Variants in DCDC1 observed in about 807,000 individuals in gnomAD.
DCDC1 encodes doublecortin domain-containing protein 1.
DCDC1 carries 200 observed loss-of-function variants against 178.3 expected under a neutral mutation model. The observed-to-expected ratio is 1.12, with a 90% CI of 1.00 to 1.26. The LOEUF (loss-of-function observed/expected upper bound fraction) is 1.26, where lower values mean the gene tolerates loss of function less well. Among genes scored for constraint, DCDC1 ranks in the 50% most tolerant of loss-of-function variants. The probability of loss-of-function intolerance (pLI) is 0.00; values close to 1 mark genes in which losing one functional copy is unlikely to be tolerated. For synonymous variants in DCDC1, 690 were observed against 604.8 expected, an observed-to-expected ratio of 1.14 and a Z score of -2.07; for missense variants, 1,983 against 1,749.2, an observed-to-expected ratio of 1.13 and a Z score of -2.38.
intron 6 of DCDC1, among the ~76,000 whole-genome samples, chr11:31,304,231 T>A (rs959681737): frequency 6.6e-6 from 1 of 152,206 alleles, no homozygotes; most frequent in African/African-American, 2.4e-5. Context: ...ATAATTTTTA[T>A]ATGTCTCTTC....
At chr11:31,293,378 T>A (rs1947371292) in intron 6 of DCDC1, among the ~76,000 whole-genome samples, 1 of 151,962 alleles carries the variant, frequency 6.6e-6, no homozygotes, top group Admixed American at 6.6e-5. Flanking sequence ...CCACTCCCAC[T>A]AAGGCCAGAG....
intron 20 of DCDC1, among the ~76,000 whole-genome samples, chr11:31,049,501 T>C (rs988728501): frequency 6.6e-6 from 1 of 152,154 alleles, no homozygotes; most frequent in African/African-American, 2.4e-5. Context: ...GGGATCATGG[T>C]GGACGGGAGG....
intron 20 of DCDC1, among the ~76,000 whole-genome samples, chr11:30,965,258 C>A (rs964827390): frequency 6.6e-6 from 1 of 152,188 alleles, no homozygotes; most frequent in African/African-American, 2.4e-5. Context: ...TGTTCTGTAT[C>A]TGACATGAGT....
At chr11:31,333,632 T>C (rs140711613) in intron 2 of DCDC1, among the ~76,000 whole-genome samples, 4 of 152,274 alleles carry the variant, frequency 2.6e-5, no homozygotes, top group Non-Finnish European at 5.9e-5. Context: ...CCTCCTTCAT[T>C]TATGAAGCTT....
At chr11:31,014,725 C>G (rs1317775557) in intron 20 of DCDC1, among the ~76,000 whole-genome samples, 1 of 152,132 alleles carries the variant, frequency 6.6e-6, no homozygotes, top group Non-Finnish European at 1.5e-5. Context: ...TCCTTCATGA[C>G]CATCAGCCTA....
intron 1 of DCDC1, among the ~76,000 whole-genome samples, chr11:31,341,921 G>T (rs374535576): frequency 2.5e-4 from 38 of 152,078 alleles, no homozygotes; most frequent in African/African-American, 9.2e-4. Context: ...TTGCAAGGCT[G>T]AGGTGGAACT....
At chr11:31,098,612 C>T (rs1464467392) in intron 15 of DCDC1, among the ~76,000 whole-genome samples, 4 of 152,162 alleles carry the variant, frequency 2.6e-5, no homozygotes, top group Non-Finnish European at 5.9e-5. Flanking sequence ...TTCTCTCAAC[C>T]CCTGTTGTAA....
At chr11:31,097,939 T>A (rs1418894143) in intron 15 of DCDC1, among the ~76,000 whole-genome samples, 3 of 152,160 alleles carry the variant, frequency 2.0e-5, no homozygotes, top group Non-Finnish European at 4.4e-5. Flanking sequence ...TCTACTAGCA[T>A]CCATAACTAC....
chr11:31,131,188 C>CAA (rs565349028), intron 10 of DCDC1, among the ~76,000 whole-genome samples: 461 of 21,522 alleles, frequency 0.021, 99 homozygotes, highest in African/African-American at 0.048. Flanking sequence ...GACTCCGTCT[C>CAA]AAAAAAAAAA....
At chr11:31,298,575 A>G (rs540368383) in intron 6 of DCDC1, among the ~76,000 whole-genome samples, 30 of 152,300 alleles carry the variant, frequency 2.0e-4, no homozygotes, top group Admixed American at 1.4e-3. Flanking sequence ...TTATGTTCCA[A>G]CCATAGATTA....
intron 9 of DCDC1, among the ~76,000 whole-genome samples, chr11:31,153,817 C>CACACACACACACACACACACACA (rs957007039): frequency 2.0e-5 from 3 of 149,988 alleles, no homozygotes; most frequent in African/African-American, 7.4e-5. Flanking sequence ...CACACACACA[C>CACACACACACACACACACACACA]AATTACCATA....
At chr11:31,246,640 A>C (rs1330718) in intron 8 of DCDC1, among the ~76,000 whole-genome samples, 39,956 of 151,794 alleles carry the variant, frequency 0.26, 5,423 homozygotes, top group African/African-American at 0.32. Context: ...CAGCTTTACG[A>C]AATAGTTGGA....
At position 30,905,097 on chromosome 11, in the gene DCDC1, C is replaced by T. The variant is rs746425072; in HGVS notation, c.4172G>A (p.Arg1391Gln). Residue 1391 changes from arginine to glutamine, a missense_variant, in exon 31 of 39, where the codon CGG (arginine) becomes CAG (glutamine). Transcript: ENST00000684477. The stretch of plus-strand genomic sequence containing the variant: ...TGCAGCTTGCGTGCAGGTCTTCATC[C>T]GTAAAGACAATAGACGTGCTTGGTA... ...SYYQARLLSL[R>Q]MKTCTQAASH... 9 of 1,613,526 alleles carry T rather than the reference C, an allele frequency of 5.6e-6. No individual in the cohort carries two copies. Among genetic ancestry groups the T allele is most frequent in the East Asian group, 2.2e-5 (1 of 44,868 alleles).
intron 28 of DCDC1, 86 bp downstream of exon 28, chr11:30,911,241 T>A: frequency 2.8e-6 from 3 of 1,066,868 alleles, no homozygotes; most frequent in Non-Finnish European, 4.1e-6. Flanking sequence ...GACAGTTTTT[T>A]TTTTTCCTCC....
At chr11:31,116,245 T>C (rs995615132) in intron 11 of DCDC1, among the ~76,000 whole-genome samples, 5 of 152,234 alleles carry the variant, frequency 3.3e-5, no homozygotes, top group Non-Finnish European at 5.9e-5. Context: ...AAATTTACCT[T>C]ATATCTAATA....
At chr11:31,109,412 A>T (rs1959057405) in intron 12 of DCDC1, among the ~76,000 whole-genome samples, 1 of 152,102 alleles carries the variant, frequency 6.6e-6, no homozygotes. Flanking sequence ...TGATTTGTGT[A>T]ATCAGTTATG....
intron 20 of DCDC1, among the ~76,000 whole-genome samples, chr11:31,007,371 T>G (rs985363936): frequency 6.6e-6 from 1 of 152,162 alleles, no homozygotes; most frequent in Non-Finnish European, 1.5e-5. Context: ...TGCCTTGAAA[T>G]GAGACCATTG....
intron 20 of DCDC1, among the ~76,000 whole-genome samples, chr11:30,977,324 G>T (rs1213945074): frequency 2.0e-5 from 3 of 152,156 alleles, no homozygotes; most frequent in Non-Finnish European, 4.4e-5. Flanking sequence ...ATAGCTAGAA[G>T]AAAGGACTTG....
intron 38 of DCDC1, among the ~76,000 whole-genome samples, chr11:30,866,598 C>A (rs1404662951): frequency 6.6e-6 from 1 of 152,132 alleles, no homozygotes; most frequent in Non-Finnish European, 1.5e-5. Flanking sequence ...ACCAGCAAAT[C>A]ATCAGAAACT....
Sources: gnomAD v4.1 joint callset for allele counts (sites outside exome capture counted in the v4.1 genomes callset) on GRCh38, gnomAD v4.1.1 for gene constraint, MANE v1.5 for transcripts, NCBI Gene and HGNC (gene_info 2026-07-23, HGNC 2026-07-21) for gene names.